IGF2R: variants seen among roughly 807,000 people sequenced by gnomAD.
IGF2R encodes insulin like growth factor 2 receptor.
IGF2R carries 91 observed loss-of-function variants against 270.6 expected under a neutral mutation model. The ratio of observed to expected loss-of-function variants is 0.34; its 90% CI spans 0.28 to 0.40. IGF2R has a LOEUF of 0.40. Ranked by LOEUF, IGF2R falls within the 10% of genes least tolerant of loss-of-function variation. IGF2R has a pLI of 1.00. For synonymous variants in IGF2R, 1,316 were observed against 1,258.9 expected (o/e 1.05, Z -0.96); for missense variants, 2,805 against 3,188.3 (o/e 0.88, Z 2.90).
At chr6:160,027,101 A>G in intron 5 of IGF2R, 84 bp from the exon 6 acceptor site, 1 of 1,477,068 alleles carries the variant, frequency 6.8e-7, no homozygotes, top group Non-Finnish European at 9.4e-7. Flanking sequence ...TCAATAATGT[A>G]TTTAAAGGGA....
chr6:160,072,655 AG>A, intron 32 of IGF2R, 109 bp from the exon 33 acceptor site: 1 of 1,178,900 alleles, frequency 8.5e-7, no homozygotes, highest in Non-Finnish European at 1.3e-6. Flanking sequence ...CGTGGTGAGA[AG>A]TCAGAAGTCC....
At position 160,066,751 on chromosome 6, in the gene IGF2R, T is replaced by G. The variant is rs1234024164; in HGVS notation, c.4116-1498T>G. Reference sequence around the variant, plus strand: ...ATGAAAGCTGTCCTCACCTGTGCTGTTCTCCTCTCCTCTTTCCTCTGCCTT... The same window carrying G: ...ATGAAAGCTGTCCTCACCTGTGCTGGTCTCCTCTCCTCTTTCCTCTGCCTT... On this transcript the variant is annotated intron_variant, in intron 29 of 47. Coordinates refer to ENST00000356956, the MANE Select transcript of IGF2R (RefSeq NM_000876.4). Among the ~76,000 whole-genome samples the G allele has an allele frequency of 2.0e-5, 3 of 152,188 alleles. No individual in the cohort carries two copies. In the East Asian group the frequency reaches 5.8e-4, roughly 29 times the overall value.
At position 160,024,484 on chromosome 6, in the gene IGF2R, A is replaced by C. The variant is rs143284697; in HGVS notation, c.514-88A>C. 508 of 1,259,486 alleles carry C rather than the reference A, an allele frequency of 4.0e-4. 1 individual carries two copies. In the African/African-American group the frequency reaches 6.6e-3, roughly 16 times the overall value. 78.0% of individuals were successfully genotyped at this position (1,259,486 alleles called of 1,614,324 possible). On this transcript the variant is annotated intron_variant, in intron 4 of 47. Coordinates refer to ENST00000356956, the MANE Select transcript of IGF2R (RefSeq NM_000876.4). ...TAGCATGATAGTCCCTAAGGAATGG[A>C]GAGCAGTGTTGTGTGACATTGGTCA...
chr6:159,991,177 T>C lies in IGF2R; in HGVS notation c.150-7T>C, dbSNP rs1490071838. The C allele has an allele frequency of 6.3e-7, 1 of 1,599,994 alleles. No homozygotes were observed. The highest frequency in any genetic ancestry group is 1.7e-5 in the Admixed American group (1 of 57,706). Reference sequence around the variant, plus strand: ...GACATTGACAAGTTGTTTTTCTTCCTTTCCAGTTATACATGGGAAGCTGTT... The same window carrying C: ...GACATTGACAAGTTGTTTTTCTTCCCTTCCAGTTATACATGGGAAGCTGTT... On this transcript the variant is annotated splice_polypyrimidine_tract_variant and splice_region_variant and intron_variant, in intron 1 of 47. Transcript: ENST00000356956.
rs1779522995 is a variant in IGF2R, at chr6:160,102,976, C to T, written c.6995+305C>T. 6.6e-6 allele frequency among the ~76,000 whole-genome samples: 1 copy of T among 152,198 alleles called. No homozygotes were observed. Among genetic ancestry groups the T allele is most frequent in the African/African-American group, 2.4e-5 (1 of 41,450 alleles). ...GGCACCTTTCATGGGTGCCTTTTCC[C>T]ACTGAGCAGCTGACCCCTCTGCCCT... On this transcript the variant is annotated intron_variant, in intron 46 of 47. Coordinates refer to ENST00000356956, the MANE Select transcript of IGF2R (RefSeq NM_000876.4). The surrounding 1 kb of genome is among the most constrained non-coding windows in gnomAD (Gnocchi z 4.5).
At chr6:159,982,065 C>T (rs547729296) in intron 1 of IGF2R, among the ~76,000 whole-genome samples, 1 of 152,228 alleles carries the variant, frequency 6.6e-6, no homozygotes, top group Non-Finnish European at 1.5e-5. Flanking sequence ...AACTCACGTG[C>T]TTCCCCAGCC....
At chr6:160,046,439 C>G (rs1778070560) in intron 14 of IGF2R, 59 bp from the exon 15 acceptor site, 2 of 1,514,172 alleles carry the variant, frequency 1.3e-6, no homozygotes, top group African/African-American at 2.8e-5. Flanking sequence ...TGGGGTGAGA[C>G]CACTCTGTTA....
At chr6:160,021,544 G>A (rs1391502369) in intron 4 of IGF2R, among the ~76,000 whole-genome samples, 3 of 150,788 alleles carry the variant, frequency 2.0e-5, no homozygotes, top group Non-Finnish European at 4.4e-5. Context: ...GTATACATAT[G>A]TAACAAACCT....
At chr6:160,076,573 A>G (rs1272634379) in intron 36 of IGF2R, among the ~76,000 whole-genome samples, 1 of 152,184 alleles carries the variant, frequency 6.6e-6, no homozygotes, top group Non-Finnish European at 1.5e-5. Context: ...ATAAATTGGT[A>G]GATTATGGCC....
chr6:159,971,503 A>G (rs1783608303), intron 1 of IGF2R, among the ~76,000 whole-genome samples: 1 of 152,234 alleles, frequency 6.6e-6, no homozygotes, highest in Admixed American at 6.5e-5. Flanking sequence ...TCTTAGGATG[A>G]CAAATCTGCC....
chr6:160,063,107 G>A (rs1174724469), intron 26 of IGF2R, among the ~76,000 whole-genome samples: 1 of 147,360 alleles, frequency 6.8e-6, no homozygotes, highest in Non-Finnish European at 1.5e-5. Context: ...GCGCCATCTC[G>A]GCTCACTGCA....
intron 4 of IGF2R, among the ~76,000 whole-genome samples, chr6:160,014,988 A>G (rs997817157): frequency 2.0e-5 from 3 of 152,196 alleles, no homozygotes; most frequent in African/African-American, 7.2e-5. Flanking sequence ...CTTTGAGGAT[A>G]TGGTCAAAAT....
At position 159,970,397 on chromosome 6, in the gene IGF2R, A is replaced by G. The variant is rs1210589398; in HGVS notation, c.149+1002A>G. On this transcript the variant is annotated intron_variant, in intron 1 of 47. Transcript: ENST00000356956. ...TACAAGTTACTTTTCAGAGTGAAAC[A>G]AAGTTGAGCCTACTTTGGGCTGAAC... 2.0e-5 allele frequency among the ~76,000 whole-genome samples: 3 copies of G among 152,172 alleles called. No homozygotes were observed. In the East Asian group the frequency reaches 5.8e-4, roughly 29 times the overall value.
chr6:160,014,164 G>A (rs895340606), intron 4 of IGF2R, among the ~76,000 whole-genome samples: 1 of 152,170 alleles, frequency 6.6e-6, no homozygotes, highest in Non-Finnish European at 1.5e-5. Flanking sequence ...TTAAAGCATT[G>A]TGTAAATATA....
At chr6:160,060,357 G>T (rs1046894131) in intron 22 of IGF2R, among the ~76,000 whole-genome samples, 190 bp from the exon 23 acceptor site, 3 of 152,274 alleles carry the variant, frequency 2.0e-5, no homozygotes, top group African/African-American at 4.8e-5. Flanking sequence ...GGCCACTGTT[G>T]TAGCGAGTGT....
In IGF2R at chr6:160,006,202, C is replaced by A. The variant is rs559895436; in HGVS notation, c.290-2808C>A. On this transcript the variant is annotated intron_variant, in intron 2 of 47. Coordinates refer to ENST00000356956, the MANE Select transcript of IGF2R (RefSeq NM_000876.4). ...CCCTGTGCGCCTGCTGCGCCCCACG[C>A]GCCTCCCCCCTCGCGCCTCCCCCCT... 711 of 145,088 alleles carry A rather than the reference C, an allele frequency of 4.9e-3. 1 individual carries two copies. Among genetic ancestry groups the A allele is most frequent in the Middle Eastern group, 0.01 (3 of 296 alleles). 9.0% of individuals were successfully genotyped at this position (145,088 alleles called of 1,614,324 possible).
chr6:160,024,277 G>A (rs1425622950), intron 4 of IGF2R, among the ~76,000 whole-genome samples: 1 of 152,166 alleles, frequency 6.6e-6, no homozygotes. Flanking sequence ...CGTTTGTGAG[G>A]TGGTAGATCT....
At chr6:160,087,187 C>G (rs1779113682) in intron 41 of IGF2R, among the ~76,000 whole-genome samples, 1 of 152,164 alleles carries the variant, frequency 6.6e-6, no homozygotes, top group Non-Finnish European at 1.5e-5. Flanking sequence ...GCTAGAAGAC[C>G]CTAGAAAACC....
chr6:160,079,222 CACTT>C (rs1408520234), intron 37 of IGF2R, among the ~76,000 whole-genome samples: 1 of 152,198 alleles, frequency 6.6e-6, no homozygotes, highest in African/African-American at 2.4e-5. Flanking sequence ...CTCATTCACT[CACTT>C]GGCCCGCACA....
Sources: allele counts gnomAD v4.1 joint callset (sites outside exome capture counted in the v4.1 genomes callset), GRCh38; gene constraint gnomAD v4.1.1; non-coding constraint Gnocchi (gnomAD v3.1); transcripts MANE v1.5; gene names NCBI Gene and HGNC (gene_info 2026-07-23, HGNC 2026-07-21).